HYCC2: variants seen among roughly 807,000 people sequenced by gnomAD.
HYCC2 encodes the protein hyccin PI4KA lipid kinase complex subunit 2, also known as hyccin 2.
the HYCC2 span, among the ~76,000 whole-genome samples, chr2:201,001,031 A>C: frequency 2.6e-5 from 4 of 151,996 alleles, no homozygotes; most frequent in Non-Finnish European, 5.9e-5. Flanking sequence ...CCAACTATTC[A>C]AGTGGCTGAG....
chr2:201,015,049 C>T, the HYCC2 span, among the ~76,000 whole-genome samples: 1 of 152,048 alleles, frequency 6.6e-6, no homozygotes, highest in East Asian at 1.9e-4. Flanking sequence ...TGCTACCCCA[C>T]TCAACGACTC....
At chr2:201,050,549 G>A in the HYCC2 span, among the ~76,000 whole-genome samples, 5 of 147,018 alleles carry the variant, frequency 3.4e-5, no homozygotes, top group Non-Finnish European at 7.4e-5. Context: ...CCGAGATCAC[G>A]CCACTGCACT....
chr2:201,023,759 T>TA, the HYCC2 span: 1 of 447,274 alleles, frequency 2.2e-6, no homozygotes, highest in Non-Finnish European at 4.0e-6. Flanking sequence ...TATCACCTTC[T>TA]AGCCATTATT....
At chr2:201,019,762 A>C in the HYCC2 span, among the ~76,000 whole-genome samples, 1 of 151,946 alleles carries the variant, frequency 6.6e-6, no homozygotes, top group East Asian at 1.9e-4. Flanking sequence ...GTCTTAAAAA[A>C]AAAAAAGAAA....
the HYCC2 span, among the ~76,000 whole-genome samples, chr2:201,045,198 A>C: frequency 1.3e-5 from 2 of 152,256 alleles, no homozygotes; most frequent in African/African-American, 4.8e-5. Context: ...TATAGCCATC[A>C]TCAAAGAAGT....
At chr2:201,026,927 A>T in the HYCC2 span, among the ~76,000 whole-genome samples, 2 of 152,218 alleles carry the variant, frequency 1.3e-5, no homozygotes, top group Admixed American at 1.3e-4. Context: ...GAGCAAATAC[A>T]TTCAAAAGCT....
the HYCC2 span, among the ~76,000 whole-genome samples, chr2:201,037,679 G>A: frequency 1.3e-5 from 2 of 152,178 alleles, no homozygotes. Context: ...TGGGAAAACT[G>A]GCTAGCCATA....
At chr2:201,058,249 C>G in the HYCC2 span, among the ~76,000 whole-genome samples, 1 of 151,640 alleles carries the variant, frequency 6.6e-6, no homozygotes, top group Non-Finnish European at 1.5e-5. Context: ...ATAGCGTCCA[C>G]AGACCCCCAG....
chr2:200,987,438 C>A, the HYCC2 span: 3 of 1,289,844 alleles, frequency 2.3e-6, no homozygotes, highest in Non-Finnish European at 3.0e-6. Flanking sequence ...GCACCTCCCC[C>A]TCTTGCACAC....
chr2:201,047,890 CAA>C, the HYCC2 span, among the ~76,000 whole-genome samples: 9 of 67,910 alleles, frequency 1.3e-4, no homozygotes, highest in Non-Finnish European at 2.0e-4. Flanking sequence ...TTAAAATTTG[CAA>C]AAAAAAAAAA....
At chr2:201,063,287 G>A in the HYCC2 span, 5 of 1,544,326 alleles carry the variant, frequency 3.2e-6, no homozygotes, top group African/African-American at 1.4e-5. Flanking sequence ...CACTGTGAAG[G>A]AGGTGGAGGC....
chr2:201,035,020 T>C, the HYCC2 span, among the ~76,000 whole-genome samples: 1 of 152,270 alleles, frequency 6.6e-6, no homozygotes, highest in Non-Finnish European at 1.5e-5. Flanking sequence ...CCTTTCTCTC[T>C]GGCTGTCCTT....
the HYCC2 span, among the ~76,000 whole-genome samples, chr2:201,027,663 C>G: frequency 6.6e-6 from 1 of 151,988 alleles, no homozygotes; most frequent in Non-Finnish European, 1.5e-5. Flanking sequence ...GTTCAACATA[C>G]GCAAATCAAT....
chr2:201,002,723 C>T, the HYCC2 span, among the ~76,000 whole-genome samples: 1 of 152,092 alleles, frequency 6.6e-6, no homozygotes, highest in Non-Finnish European at 1.5e-5. Flanking sequence ...ACGGGTTTCA[C>T]TGTGTTGGCC....
the HYCC2 span, chr2:201,063,731 A>T: frequency 6.3e-7 from 1 of 1,583,510 alleles, no homozygotes; most frequent in Non-Finnish European, 8.6e-7. Flanking sequence ...TGGGAATGAC[A>T]ACTTTGGTCA....
chr2:201,063,750 A>G, the HYCC2 span: 2 of 1,587,702 alleles, frequency 1.3e-6, no homozygotes, highest in Non-Finnish European at 1.7e-6. Context: ...CATGGAAGAA[A>G]CTTCAGTGGT....
the HYCC2 span, among the ~76,000 whole-genome samples, chr2:201,016,211 T>G: frequency 1.3e-5 from 2 of 152,150 alleles, no homozygotes; most frequent in African/African-American, 2.4e-5. Context: ...AAATACATTA[T>G]CAAAAAAATG....
the HYCC2 span, among the ~76,000 whole-genome samples, chr2:201,049,197 T>C: frequency 1.5e-4 from 23 of 150,074 alleles, 1 homozygote; most frequent in East Asian, 3.1e-3. Context: ...GATAAAGCCA[T>C]AATAATAGTT....
the HYCC2 span, among the ~76,000 whole-genome samples, chr2:201,068,930 A>T: frequency 6.6e-6 from 1 of 152,208 alleles, no homozygotes; most frequent in East Asian, 1.9e-4. Flanking sequence ...CAAAAAAAAG[A>T]TAATAAGCCA....
Sources: allele counts gnomAD v4.1 joint callset (sites outside exome capture counted in the v4.1 genomes callset), GRCh38; gene constraint gnomAD v4.1.1; transcripts MANE v1.5; gene names NCBI Gene and HGNC (gene_info 2026-07-23, HGNC 2026-07-21).